RYR3: variants seen among roughly 807,000 people sequenced by gnomAD.
RYR3 encodes the protein brain ryanodine receptor-calcium release channel.
A neutral mutation model predicts 584.3 loss-of-function variants in RYR3; 207 were observed. The observed-to-expected ratio is 0.35, with a 90% CI of 0.32 to 0.40. The LOEUF is 0.40. Among genes scored for constraint, RYR3 ranks in the 10% least tolerant of loss-of-function variants. The probability of loss-of-function intolerance (pLI) is 1.00; values close to 1 mark genes in which losing one functional copy is unlikely to be tolerated. For synonymous variants in RYR3, 2,416 were observed against 2,248.5 expected (o/e 1.07, Z -2.11); for missense variants, 5,616 against 6,089.2 (o/e 0.92, Z 2.59).
intron 4 of RYR3, among the ~76,000 whole-genome samples, chr15:33,532,899 T>C (rs1041344337): frequency 6.6e-6 from 1 of 152,150 alleles, no homozygotes; most frequent in African/African-American, 2.4e-5. Flanking sequence ...GGAGGATCAC[T>C]TGAAGCCAGG....
chr15:33,571,675 A>G (rs2058035665), intron 12 of RYR3, among the ~76,000 whole-genome samples: 1 of 151,996 alleles, frequency 6.6e-6, no homozygotes, highest in South Asian at 2.1e-4. Context: ...TTGTACTTTT[A>G]ACTTATTTGT....
At chr15:33,750,080 A>G in intron 56 of RYR3, 26 bp downstream of exon 56, 1 of 1,608,892 alleles carries the variant, frequency 6.2e-7, no homozygotes, top group Non-Finnish European at 8.5e-7. Context: ...AGCATCCCCT[A>G]AAGAAGCTGA....
chr15:33,747,133 A>C (rs1445107388), intron 53 of RYR3, among the ~76,000 whole-genome samples: 7 of 152,160 alleles, frequency 4.6e-5, no homozygotes, highest in Non-Finnish European at 1.5e-5. Flanking sequence ...TAATACATGG[A>C]AGATACAGGT....
At chr15:33,700,004 G>A (rs796438664) in intron 41 of RYR3, among the ~76,000 whole-genome samples, 171 bp downstream of exon 41, 3 of 152,216 alleles carry the variant, frequency 2.0e-5, no homozygotes, top group Non-Finnish European at 4.4e-5. Flanking sequence ...CCACAAGAAC[G>A]TTCTCCAACA....
At chr15:33,860,456 A>AAC (rs1887762977) in intron 100 of RYR3, 139 bp from the exon 101 acceptor site, 1 of 546,006 alleles carries the variant, frequency 1.8e-6, no homozygotes, top group Non-Finnish European at 3.2e-6. Context: ...AACACAAAGA[A>AAC]ACACGAGTAT....
chr15:33,326,074 G>A (rs1281226854), intron 1 of RYR3, among the ~76,000 whole-genome samples: 1 of 152,162 alleles, frequency 6.6e-6, no homozygotes, highest in African/African-American at 2.4e-5. Context: ...AAAGTGCTGG[G>A]ATTACAGGTG....
At chr15:33,505,573 G>T (rs1265129558) in intron 3 of RYR3, among the ~76,000 whole-genome samples, 2 of 151,706 alleles carry the variant, frequency 1.3e-5, no homozygotes, top group African/African-American at 4.8e-5. Flanking sequence ...CTCACTGCAA[G>T]CTCCGCCTCC....
chr15:33,743,416 C>T (rs140118853), intron 52 of RYR3, among the ~76,000 whole-genome samples: 37 of 152,282 alleles, frequency 2.4e-4, no homozygotes, highest in African/African-American at 7.5e-4. Context: ...TCCACTTGGC[C>T]GTTGCGGCAC....
At chr15:33,498,943 A>G (rs1029650629) in intron 2 of RYR3, among the ~76,000 whole-genome samples, 63 of 152,282 alleles carry the variant, frequency 4.1e-4, no homozygotes, top group African/African-American at 1.2e-3. Context: ...TTCTTTCCCC[A>G]GGGTATGTTC....
chr15:33,562,704 G>A, intron 10 of RYR3, 133 bp from the exon 11 acceptor site: 4 of 627,032 alleles, frequency 6.4e-6, no homozygotes, highest in South Asian at 4.1e-5. Flanking sequence ...TCCTGGCTTG[G>A]ACAGGCACAT....
chr15:33,858,086 TC>T, intron 99 of RYR3, 172 bp downstream of exon 99: 1 of 876,210 alleles, frequency 1.1e-6, no homozygotes, highest in Non-Finnish European at 1.7e-6. Flanking sequence ...CAGGAGAGTG[TC>T]CTGGGAAGAC....
chr15:33,865,420 A>G lies in RYR3; in HGVS notation c.*194A>G. 1 of 524,830 alleles carries G rather than the reference A, an allele frequency of 1.9e-6. No individual in the cohort carries two copies. The highest frequency in any genetic ancestry group is 3.4e-6 in the Non-Finnish European group (1 of 296,390). 32.5% of individuals were successfully genotyped at this position (524,830 alleles called of 1,614,324 possible). ...GCCTAATGGACATACACTGTGGGAG[A>G]GAACCTGTCAAAATGTCGAAGAAGG... is the stretch of plus-strand genomic sequence containing the variant. On this transcript the variant is annotated 3_prime_UTR_variant, in exon 104 of 104. Coordinates refer to ENST00000634891, the MANE Select transcript of RYR3 (RefSeq NM_001036.6).
At chr15:33,419,196 T>C (rs2044049045) in intron 1 of RYR3, among the ~76,000 whole-genome samples, 1 of 152,182 alleles carries the variant, frequency 6.6e-6, no homozygotes, top group Admixed American at 6.5e-5. Context: ...CAAGAATTAT[T>C]AGGCAAAGGA....
intron 57 of RYR3, among the ~76,000 whole-genome samples, chr15:33,752,358 A>T (rs2071396856): frequency 6.6e-6 from 1 of 152,186 alleles, no homozygotes; most frequent in African/African-American, 2.4e-5. Flanking sequence ...CTTCCTATTC[A>T]TGAGCATAGA....
chr15:33,845,655 GT>G (rs1375069457), intron 93 of RYR3, among the ~76,000 whole-genome samples: 1 of 152,286 alleles, frequency 6.6e-6, no homozygotes, highest in Admixed American at 6.5e-5. Flanking sequence ...CCCATTTCAG[GT>G]ACCTCTTGTT....
intron 1 of RYR3, among the ~76,000 whole-genome samples, chr15:33,377,407 G>T (rs1056135580): frequency 6.6e-6 from 1 of 152,138 alleles, no homozygotes; most frequent in Non-Finnish European, 1.5e-5. Flanking sequence ...TTAAGTGTCT[G>T]GCCTAGATAT....
chr15:33,525,483 G>C (rs184815162), intron 3 of RYR3, among the ~76,000 whole-genome samples: 8 of 152,326 alleles, frequency 5.3e-5, no homozygotes, highest in African/African-American at 1.9e-4. Flanking sequence ...AAATCTGTCA[G>C]TTAAATTTAG....
At chr15:33,780,082 G>A in intron 64 of RYR3, 129 bp from the exon 65 acceptor site, 1 of 978,956 alleles carries the variant, frequency 1.0e-6, no homozygotes, top group Non-Finnish European at 1.5e-6. Flanking sequence ...GGGAAGAAGT[G>A]CATGCAAGCT....
chr15:33,690,904 A>T (rs953017978), intron 38 of RYR3, among the ~76,000 whole-genome samples: 20 of 152,318 alleles, frequency 1.3e-4, no homozygotes, highest in African/African-American at 4.8e-4. Context: ...TACTTTTATG[A>T]AAACTAAATT....
Sources: allele counts gnomAD v4.1 joint callset (sites outside exome capture counted in the v4.1 genomes callset), GRCh38; gene constraint gnomAD v4.1.1; transcripts MANE v1.5; gene names NCBI Gene and HGNC (gene_info 2026-07-23, HGNC 2026-07-21).